Variants in USP28 observed in about 807,000 individuals in gnomAD.
The protein encoded by USP28 is ubiquitin specific peptidase 28.
USP28 carries 113 observed loss-of-function variants against 145.0 expected under a neutral mutation model. The ratio of observed to expected loss-of-function variants is 0.78; its 90% CI spans 0.67 to 0.91. The LOEUF is 0.91. Ranked by LOEUF, USP28 falls within the 40% of genes least tolerant of loss-of-function variation. The probability of loss-of-function intolerance (pLI) is 0.00; values close to 1 mark genes in which losing one functional copy is unlikely to be tolerated. For missense variants in USP28, 1,201 were observed against 1,289.6 expected (o/e 0.93, Z 1.05); for synonymous variants, 447 against 450.9 (o/e 0.99, Z 0.11).
At chr11:113,804,891 A>G in exon 20 of USP28, 1 of 1,614,136 alleles carries the variant, frequency 6.2e-7, no homozygotes, top group African/African-American at 1.3e-5. Flanking sequence ...TAAGATTTTT[A>G]TCTGCAAACT....
chr11:113,869,360 C>A (rs1487792307), intron 1 of USP28, among the ~76,000 whole-genome samples: 1 of 152,136 alleles, frequency 6.6e-6, no homozygotes, highest in Non-Finnish European at 1.5e-5. Context: ...ACCCGGAAGG[C>A]GGGGGTTACA....
At chr11:113,808,459 G>C (rs1234859922) in intron 17 of USP28, 22 bp from the exon 18 acceptor site, 1 of 1,612,376 alleles carries the variant, frequency 6.2e-7, no homozygotes, top group African/African-American at 1.3e-5. Context: ...TTGAACAAAG[G>C]TCTTAGCATC....
chr11:113,853,301 CAAAAAAAA>C (rs35806711), intron 2 of USP28, among the ~76,000 whole-genome samples: 29 of 54,964 alleles, frequency 5.3e-4, no homozygotes, highest in Middle Eastern at 0.016. Context: ...TCTCCTGTCT[CAAAAAAAA>C]AAAAAAAAAA....
At chr11:113,867,847 A>AAGGG (rs1303332989) in intron 1 of USP28, among the ~76,000 whole-genome samples, 2 of 129,140 alleles carry the variant, frequency 1.5e-5, no homozygotes, top group Non-Finnish European at 3.3e-5. Context: ...GAAAGGGAGG[A>AAGGG]AGGGAGGGAG....
intron 1 of USP28, among the ~76,000 whole-genome samples, chr11:113,863,757 A>G (rs989165248): frequency 2.0e-5 from 3 of 149,498 alleles, no homozygotes; most frequent in Non-Finnish European, 4.4e-5. Flanking sequence ...CATCCTGACT[A>G]ACACGGTGAA....
intron 9 of USP28, among the ~76,000 whole-genome samples, chr11:113,829,906 T>C (rs1291513886): frequency 2.0e-5 from 3 of 151,064 alleles, no homozygotes; most frequent in Middle Eastern, 3.5e-3. Context: ...CATCTGTGAA[T>C]AGTCTTGCCA....
intron 1 of USP28, among the ~76,000 whole-genome samples, chr11:113,865,523 T>C (rs966129503): frequency 1.3e-5 from 2 of 152,154 alleles, no homozygotes; most frequent in Non-Finnish European, 2.9e-5. Flanking sequence ...AGAATAGAAC[T>C]GAGAATCCAG....
At chr11:113,838,504 A>AGCTATTT (rs755893172) in intron 5 of USP28, among the ~76,000 whole-genome samples, 14 of 152,302 alleles carry the variant, frequency 9.2e-5, no homozygotes, top group Middle Eastern at 3.4e-3. Flanking sequence ...ACTCCGTCTT[A>AGCTATTT]GCTATTTGCT....
At chr11:113,833,831 C>T (rs1428723445) in intron 6 of USP28, among the ~76,000 whole-genome samples, 1 of 152,144 alleles carries the variant, frequency 6.6e-6, no homozygotes, top group East Asian at 1.9e-4. Flanking sequence ...AAATGCATTG[C>T]GCCAAGGTGA....
chr11:113,833,626 A>G, intron 6 of USP28, 69 bp from the exon 7 acceptor site: 1 of 1,508,420 alleles, frequency 6.6e-7, no homozygotes, highest in Non-Finnish European at 8.9e-7. Flanking sequence ...TAAAGAAAAA[A>G]AAGTTGTCAA....
intron 1 of USP28, among the ~76,000 whole-genome samples, chr11:113,858,605 GTTTTA>G (rs1195945770): frequency 6.6e-6 from 1 of 151,984 alleles, no homozygotes; most frequent in African/African-American, 2.4e-5. Flanking sequence ...TTCTCTAATT[GTTTTA>G]TTTTATTTTA....
chr11:113,872,482 G>A (rs1455454628), intron 1 of USP28, among the ~76,000 whole-genome samples: 7 of 145,858 alleles, frequency 4.8e-5, no homozygotes, highest in Admixed American at 2.7e-4. Context: ...GCGAGACTCC[G>A]TCTCAAAAAA....
chr11:113,843,464 G>C (rs1283103218), intron 3 of USP28, among the ~76,000 whole-genome samples: 3 of 152,054 alleles, frequency 2.0e-5, no homozygotes, highest in African/African-American at 7.2e-5. Context: ...CTGAGATTGG[G>C]AGTTCGAGAT....
rs1319889656 is a variant in USP28 at position 113,874,423 on chromosome 11, G to GGAAA, written c.57+1021_57+1022insTTTC. On this transcript the variant is annotated intron_variant, in intron 1 of 24. Coordinates refer to ENST00000003302, the Ensembl canonical transcript of USP28. ...CTAGGCAACAGAGGGAGACTCTGTCGAAAAAAAAAAAAAAAAAAAAAAAAA... is the reference window on the plus strand; with the variant it reads ...CTAGGCAACAGAGGGAGACTCTGTCGGAAAAAAAAAAAAAAAAAAAAAAAAAAAA... 34 of 414,068 alleles carry GGAAA rather than the reference G, an allele frequency of 8.2e-5. No homozygotes were observed. In the African/African-American group the frequency reaches 1.2e-3, roughly 15 times the overall value. 25.6% of individuals were successfully genotyped at this position (414,068 alleles called of 1,614,324 possible).
chr11:113,849,163 AAGGAGGTCTTTGCAT>A (rs1946192233), intron 3 of USP28, among the ~76,000 whole-genome samples: 1 of 152,208 alleles, frequency 6.6e-6, no homozygotes, highest in Non-Finnish European at 1.5e-5. Flanking sequence ...TGGAAAATGC[AAGGAGGTCTTTGCAT>A]TCCCCAGGTA....
chr11:113,840,552 C>A (rs1267752159), intron 5 of USP28, 46 bp downstream of exon 5: 10 of 1,575,628 alleles, frequency 6.3e-6, no homozygotes, highest in African/African-American at 1.4e-5. Context: ...TAATAAATTA[C>A]AAAGTTATTT....
intron 1 of USP28, among the ~76,000 whole-genome samples, chr11:113,873,933 G>C (rs1949080978): frequency 6.6e-6 from 1 of 151,316 alleles, no homozygotes; most frequent in African/African-American, 2.4e-5. Context: ...ATGAGGTCAA[G>C]AGACCGAGAC....
chr11:113,827,651 G>A (rs192776610), intron 10 of USP28, among the ~76,000 whole-genome samples: 1 of 152,222 alleles, frequency 6.6e-6, no homozygotes, highest in African/African-American at 2.4e-5. Context: ...TTGAATATGT[G>A]AACCGCACTA....
intron 9 of USP28, among the ~76,000 whole-genome samples, chr11:113,829,712 C>T (rs918953184): frequency 1.3e-5 from 2 of 151,416 alleles, no homozygotes; most frequent in African/African-American, 4.9e-5. Context: ...GAAGTCCTGG[C>T]TACTCAGGAG....
Sources: allele counts gnomAD v4.1 joint callset (sites outside exome capture counted in the v4.1 genomes callset), GRCh38; gene constraint gnomAD v4.1.1; transcripts MANE v1.5; gene names NCBI Gene and HGNC (gene_info 2026-07-23, HGNC 2026-07-21).